Variants in MTCH2 observed in about 807,000 individuals in gnomAD.
MTCH2 encodes mitochondrial carrier homolog 2.
A neutral mutation model predicts 50.6 loss-of-function variants in MTCH2; 25 were observed. That is an observed-to-expected ratio of 0.49 (90% CI 0.36 to 0.69). The LOEUF (loss-of-function observed/expected upper bound fraction) is 0.69. Ranked by LOEUF, MTCH2 falls within the 30% of genes least tolerant of loss-of-function variation. The pLI is 0.00. For missense variants in MTCH2, 273 were observed against 384.4 expected (o/e 0.71, Z 2.42); for synonymous variants, 106 against 132.0 (o/e 0.80, Z 1.35).
At chr11:47,631,354 A>C (rs1385927535) in intron 6 of MTCH2, among the ~76,000 whole-genome samples, 1 of 152,172 alleles carries the variant, frequency 6.6e-6, no homozygotes, top group Non-Finnish European at 1.5e-5. Context: ...GGTTGCAGTG[A>C]GCCAAGATTG....
rs773071465 is a variant in MTCH2, at chr11:47,625,619, C to T, written c.749+55G>A. ...TTCCTAAATTTCTACAAGGCTGCTC[C>T]GCCTGTCAGCATACAGTCAACCACC... On this transcript the variant is annotated intron_variant, in intron 11 of 12. Coordinates refer to ENST00000302503, the MANE Select transcript of MTCH2 (RefSeq NM_014342.4). 342 of 1,076,758 alleles carry T rather than the reference C, an allele frequency of 3.2e-4. 1 individual carries two copies. Among genetic ancestry groups the T allele is most frequent in the Non-Finnish European group, 3.7e-4 (305 of 813,518 alleles). The allele number at this position is 1,076,758 out of a possible 1,614,324, so 66.7% of individuals were successfully genotyped here.
In MTCH2 at chr11:47,635,683, GTTT is replaced by G. The variant is rs934346345; in HGVS notation, c.280-115_280-113del. ...TAAATTAGCTGAAGTTTTTTTTAAA[GTTT>G]TTGTTTTTTTTTTTAAGCTGCAAAT... On this transcript the variant is annotated intron_variant, in intron 3 of 12. Coordinates refer to ENST00000302503, the MANE Select transcript of MTCH2 (RefSeq NM_014342.4). 2.8e-5 allele frequency: 27 copies of G among 967,416 alleles called. No individual in the cohort carries two copies. The African/African-American group carries it at 4.2e-4, about 15-fold the overall frequency. 59.9% of individuals were successfully genotyped at this position (967,416 alleles called of 1,614,324 possible). A position where few individuals can be genotyped will look rare whatever the true frequency, so the allele number is the denominator to read the frequency against.
chr11:47,634,452 T>C (rs1003265354), intron 5 of MTCH2, among the ~76,000 whole-genome samples: 1 of 152,158 alleles, frequency 6.6e-6, no homozygotes, highest in African/African-American at 2.4e-5. Context: ...ACGGAATGTG[T>C]GGGCAAAATG....
At chr11:47,626,601 C>T (rs754546202) in intron 10 of MTCH2, among the ~76,000 whole-genome samples, 2 of 151,828 alleles carry the variant, frequency 1.3e-5, no homozygotes, top group Admixed American at 6.6e-5. Context: ...GTGGTTCCTT[C>T]GAAAACTGAG....
At chr11:47,629,956 G>T (rs996254853) in intron 8 of MTCH2, among the ~76,000 whole-genome samples, 1 of 151,928 alleles carries the variant, frequency 6.6e-6, no homozygotes, top group Admixed American at 6.6e-5. Context: ...ATATAGAATT[G>T]GGAGTTTACT....
chr11:47,625,592 C>G (rs1163812063), intron 11 of MTCH2, 82 bp downstream of exon 11: 1 of 932,352 alleles, frequency 1.1e-6, no homozygotes. Flanking sequence ...GATCATTCAT[C>G]TTTCCTAAAT....
intron 3 of MTCH2, among the ~76,000 whole-genome samples, chr11:47,637,137 C>T (rs993474224): frequency 6.6e-6 from 1 of 151,892 alleles, no homozygotes; most frequent in African/African-American, 2.4e-5. Context: ...TTACATGCGC[C>T]CACCACCACG....
At chr11:47,635,424 G>C (rs1202701773) in intron 4 of MTCH2, 121 bp downstream of exon 4, 1 of 1,140,212 alleles carries the variant, frequency 8.8e-7, no homozygotes, top group East Asian at 2.4e-5. Flanking sequence ...CACCCCATAG[G>C]ACAACACTCA....
intron 9 of MTCH2, among the ~76,000 whole-genome samples, chr11:47,628,728 C>T (rs962630056): frequency 6.6e-6 from 1 of 152,146 alleles, no homozygotes; most frequent in Admixed American, 6.6e-5. Context: ...GCACGCACCA[C>T]CACGCCCAGC....
chr11:47,634,266 G>C (rs1234340422), intron 5 of MTCH2, among the ~76,000 whole-genome samples: 2 of 151,976 alleles, frequency 1.3e-5, no homozygotes, highest in Non-Finnish European at 2.9e-5. Flanking sequence ...TTTTTGTAGA[G>C]AGGAAGTCTC....
At chr11:47,626,401 T>G (rs1486772770) in intron 10 of MTCH2, among the ~76,000 whole-genome samples, 2 of 151,328 alleles carry the variant, frequency 1.3e-5, no homozygotes, top group Non-Finnish European at 2.9e-5. Context: ...CTTGAACTCT[T>G]GGCCTCAAGT....
chr11:47,619,086 G>A (rs2097290854), intron 12 of MTCH2, among the ~76,000 whole-genome samples, 167 bp from the exon 13 acceptor site: 1 of 152,178 alleles, frequency 6.6e-6, no homozygotes, highest in Non-Finnish European at 1.5e-5. Flanking sequence ...GAGCTACTAT[G>A]AACTAACTAC....
At chr11:47,639,452 T>G (rs1342118304) in intron 1 of MTCH2, among the ~76,000 whole-genome samples, 1 of 152,230 alleles carries the variant, frequency 6.6e-6, no homozygotes, top group African/African-American at 2.4e-5. Flanking sequence ...AGCTGCATAT[T>G]TGGCAACCCA....
chr11:47,610,968 C>T, the MTCH2 span, among the ~76,000 whole-genome samples: 196 of 152,272 alleles, frequency 1.3e-3, no homozygotes, highest in African/African-American at 4.5e-3. Context: ...CTTCTCATGC[C>T]GTATCCTGCT....
intron 10 of MTCH2, 74 bp from the exon 11 acceptor site, chr11:47,625,815 C>A: frequency 8.6e-7 from 1 of 1,157,640 alleles, no homozygotes; most frequent in Non-Finnish European, 1.3e-6. Flanking sequence ...ACCTTAAAGG[C>A]CTAGTGCCAC....
the MTCH2 span, among the ~76,000 whole-genome samples, chr11:47,609,626 C>CAAAAAAAA: frequency 1.2e-4 from 11 of 88,148 alleles, no homozygotes; most frequent in African/African-American, 2.3e-4. Flanking sequence ...GACTCTGTCT[C>CAAAAAAAA]AAAAAAAAAA....
At chr11:47,633,171 G>A (rs990584987) in intron 5 of MTCH2, among the ~76,000 whole-genome samples, 12 of 144,228 alleles carry the variant, frequency 8.3e-5, no homozygotes, top group Admixed American at 5.0e-4. Flanking sequence ...GTGCAGTGGC[G>A]CAGTCTTGGC....
rs147716086 is a variant in MTCH2 at position 47,623,935 on chromosome 11, C to A, written c.750-1159G>T. ...GGGGTGGTGGCAAGTGCCTATAATC[C>A]CAGCTACTCTGGAGGCTGAGGCAGG... On this transcript the variant is annotated intron_variant, in intron 11 of 12. Transcript: ENST00000302503. Among the ~76,000 whole-genome samples the A allele has an allele frequency of 3.0e-4, 45 of 152,176 alleles. 4 individuals are homozygous for A. The East Asian group carries it at 8.5e-3, about 29-fold the overall frequency.
intron 12 of MTCH2, among the ~76,000 whole-genome samples, chr11:47,619,141 A>T (rs1048258457): frequency 6.6e-6 from 1 of 152,256 alleles, no homozygotes. Flanking sequence ...CAGAACGCCC[A>T]GGTTGGATTC....
Sources: allele counts gnomAD v4.1 joint callset (sites outside exome capture counted in the v4.1 genomes callset), GRCh38; gene constraint gnomAD v4.1.1; transcripts MANE v1.5; gene names NCBI Gene and HGNC (gene_info 2026-07-23, HGNC 2026-07-21).